INTS2: variants seen among roughly 807,000 people sequenced by gnomAD.
The protein encoded by INTS2 is integrator complex subunit 2.
Under a neutral mutation model 139.6 loss-of-function variants are expected in INTS2, and 57 were observed. The observed-to-expected ratio is 0.41, with a 90% CI of 0.33 to 0.51. The LOEUF (loss-of-function observed/expected upper bound fraction) is 0.51. INTS2 is among the 20% of genes least tolerant of loss of function. The probability of loss-of-function intolerance (pLI) is 0.28; values close to 1 mark genes in which losing one functional copy is unlikely to be tolerated. For synonymous variants in INTS2, 473 were observed against 493.4 expected (o/e 0.96, Z 0.55); for missense variants, 1,196 against 1,436.7 (o/e 0.83, Z 2.71).
chr17:61,906,291 C>T (rs1464671497), intron 8 of INTS2, among the ~76,000 whole-genome samples: 2 of 152,062 alleles, frequency 1.3e-5, no homozygotes, highest in African/African-American at 4.8e-5. Flanking sequence ...TTCCAAAATC[C>T]GAAAAGTTCT....
chr17:61,908,573 T>A (rs1014017836), intron 7 of INTS2, among the ~76,000 whole-genome samples: 1 of 152,194 alleles, frequency 6.6e-6, no homozygotes, highest in South Asian at 2.1e-4. Context: ...AGATAATACA[T>A]GTATGAAAGC....
Position 61,869,903 on chromosome 17 carries a change from A to C in INTS2, c.2864T>G (p.Leu955Ter). ...GGTAATAACACTTTGAACATTTCTT[A>C]ACAAGCTATCTGGATTGACACCATT... ...KANGVNPDSL[L>*]RNVQSVITTS... Residue 955 changes from leucine to a stop codon, truncating the protein, a stop_gained, in exon 21 of 25, where the codon TTA becomes TGA. Coordinates refer to ENST00000251334, the MANE Select transcript of INTS2 (RefSeq NM_001351695.2). LOFTEE classifies it high-confidence loss of function. This position sits in a 1 kb window ranked among gnomAD's most constrained non-coding sequence, Gnocchi z 5.4. The C allele has an allele frequency of 6.2e-7, 1 of 1,613,940 alleles. No individual in the cohort carries two copies. The highest frequency in any genetic ancestry group is 8.5e-7 in the Non-Finnish European group (1 of 1,179,832).
At chr17:61,887,967 G>A (rs1020255575) in intron 15 of INTS2, among the ~76,000 whole-genome samples, 4 of 151,994 alleles carry the variant, frequency 2.6e-5, no homozygotes, top group Admixed American at 6.6e-5. Context: ...CAGAAGAATC[G>A]TTTGAACCTG....
Position 61,869,491 on chromosome 17 carries a change from C to G in INTS2, c.3031-111G>C, listed in dbSNP as rs908100628. 26 of 872,428 alleles carry G rather than the reference C, an allele frequency of 3.0e-5. No homozygotes were observed. Among genetic ancestry groups the G allele is most frequent in the Non-Finnish European group, 4.6e-5 (26 of 564,776 alleles). 54.0% of individuals were successfully genotyped at this position (872,428 alleles called of 1,614,324 possible). A position where few individuals can be genotyped will look rare whatever the true frequency, so the allele number is the denominator to read the frequency against. On this transcript the variant is annotated intron_variant, in intron 21 of 24. Coordinates refer to ENST00000251334, the MANE Select transcript of INTS2 (RefSeq NM_001351695.2). This position sits in a 1 kb window ranked among gnomAD's most constrained non-coding sequence, Gnocchi z 5.4. ...CTTTCTGTAAAAATTGCTCAGAAGG[C>G]TATAGTGCCCCATATGTAACCTGGC...
At position 61,882,297 on chromosome 17, in the gene INTS2, T is replaced by C. The variant is rs1199098482; in HGVS notation, c.2090-1126A>G. On this transcript the variant is annotated intron_variant, in intron 16 of 24. Transcript: ENST00000251334. This position sits in a 1 kb window ranked among gnomAD's most constrained non-coding sequence, Gnocchi z 4.7. ...GAAGCAGTACTGATGATACCCACAA[T>C]GGGGGGCATTTTTTCTTGGTTCAAG... Among the ~76,000 whole-genome samples the C allele has an allele frequency of 2.0e-5, 3 of 152,072 alleles. No individual in the cohort carries two copies. Among genetic ancestry groups the C allele is most frequent in the African/African-American group, 7.2e-5 (3 of 41,396 alleles).
rs925679341 is a variant in INTS2, at chr17:61,870,274, A to G, written c.2779-286T>C. On this transcript the variant is annotated intron_variant, in intron 20 of 24. Transcript: ENST00000251334. This position sits in a 1 kb window ranked among gnomAD's most constrained non-coding sequence, Gnocchi z 4.4. ...TTACATAATGATATCACATATCTCTAAAATAGATCCATGGACTCCAGTTTA... is the reference window on the plus strand; with the variant it reads ...TTACATAATGATATCACATATCTCTGAAATAGATCCATGGACTCCAGTTTA... Among the ~76,000 whole-genome samples the G allele has an allele frequency of 1.3e-5, 2 of 152,342 alleles. No homozygotes were observed. The highest frequency in any genetic ancestry group is 4.8e-5 in the African/African-American group (2 of 41,578).
intron 16 of INTS2, among the ~76,000 whole-genome samples, chr17:61,883,056 C>T (rs8067092): frequency 0.55 from 84,213 of 151,992 alleles, 24,364 homozygotes; most frequent in East Asian, 0.79. Context: ...AACATTTAAA[C>T]TTCTAAATGC....
Position 61,867,178 on chromosome 17 carries a change from TTAAAA to T in INTS2, c.*374_*378del, listed in dbSNP as rs2079052544. On this transcript the variant is annotated 3_prime_UTR_variant, in exon 25 of 25. Coordinates refer to ENST00000251334, the MANE Select transcript of INTS2 (RefSeq NM_001351695.2). The surrounding 1 kb of genome is among the most constrained non-coding windows in gnomAD (Gnocchi z 5.6). ...GTCACATTCTGTTACAAGCTCACAGTTAAAATAAACACTAGGGCTACCCACAGACT... is the reference window on the plus strand; with the variant it reads ...GTCACATTCTGTTACAAGCTCACAGTTAAACACTAGGGCTACCCACAGACT... 6.5e-6 allele frequency: 1 copy of T among 154,116 alleles called. No individual in the cohort carries two copies. The highest frequency in any genetic ancestry group is 6.5e-5 in the Admixed American group (1 of 15,334). 9.5% of individuals were successfully genotyped at this position (154,116 alleles called of 1,614,324 possible).
chr17:61,878,814 C>T (rs1291286539), intron 17 of INTS2, among the ~76,000 whole-genome samples: 2 of 149,582 alleles, frequency 1.3e-5, no homozygotes, highest in Non-Finnish European at 3.0e-5. Flanking sequence ...TGGTGGTGTA[C>T]CTGTAATACC....
chr17:61,893,113 TA>T lies in INTS2; in HGVS notation c.1698+651del, dbSNP rs527823336. On this transcript the variant is annotated intron_variant, in intron 13 of 24. Coordinates refer to ENST00000251334, the MANE Select transcript of INTS2 (RefSeq NM_001351695.2). The surrounding 1 kb of genome is among the most constrained non-coding windows in gnomAD (Gnocchi z 5.4). ...CAGAGTGAGACCCTGTCTTTAAAAT[TA>T]AAAAAAAAAATTAGAAAATGGCAGT... is the stretch of plus-strand genomic sequence containing the variant. Among the ~76,000 whole-genome samples, 2,593 of 147,420 alleles carry T rather than the reference TA, an allele frequency of 0.018. 33 individuals carry two copies. The highest frequency in any genetic ancestry group is 0.073 in the Middle Eastern group (21 of 288).
chr17:61,891,485 A>T, intron 14 of INTS2, 28 bp downstream of exon 14: 1 of 1,524,670 alleles, frequency 6.6e-7, no homozygotes, highest in Non-Finnish European at 9.0e-7. Context: ...AAAATAAGTT[A>T]ATAGATATAA....
At position 61,911,502 on chromosome 17, in the gene INTS2, C is replaced by A. The variant is rs1250008992; in HGVS notation, c.954+18G>T. On this transcript the variant is annotated intron_variant, in intron 7 of 24. Transcript: ENST00000251334. ...AAAGTATTCTGATCCTTAGCCTATA[C>A]AGATATTTAACCCTCACCTGCTGTC... 2 of 1,610,872 alleles carry A rather than the reference C, an allele frequency of 1.2e-6. No individual in the cohort carries two copies. The highest frequency in any genetic ancestry group is 1.7e-6 in the Non-Finnish European group (2 of 1,177,562).
chr17:61,911,663 C>T lies in INTS2; in HGVS notation c.811G>A (p.Val271Met). Reference sequence around the variant, plus strand: ...TTAGTATGATCCAATGTCAAAGCCACACCAAGGCCTGGCAAGTGACATTCT... The same window carrying T: ...TTAGTATGATCCAATGTCAAAGCCATACCAAGGCCTGGCAAGTGACATTCT... ...VEECHLPGLG[V>M]ALTLDHTKNE... The change falls in exon 7 of 25, where the codon GTG becomes ATG. Residue 271 changes from valine (V) to methionine (M), a missense_variant. Physicochemically the swap from Val to Met is conservative, Grantham distance 21. Coordinates refer to ENST00000251334, the MANE Select transcript of INTS2 (RefSeq NM_001351695.2). The T allele has an allele frequency of 6.2e-7, 1 of 1,613,562 alleles. No homozygotes were observed. Among genetic ancestry groups the T allele is most frequent in the South Asian group, 1.1e-5 (1 of 90,986 alleles).
intron 16 of INTS2, 104 bp from the exon 17 acceptor site, chr17:61,881,275 G>T (rs186811426): frequency 1.2e-6 from 1 of 869,050 alleles, no homozygotes; most frequent in Non-Finnish European, 1.7e-6. Context: ...AGGAAAGAGG[G>T]TTATGCTCTA....
At position 61,891,705 on chromosome 17, in the gene INTS2, A is replaced by G. The variant is rs759878061; in HGVS notation, c.1699-16T>C. 26 of 1,571,416 alleles carry G rather than the reference A, an allele frequency of 1.7e-5. No individual in the cohort carries two copies. The highest frequency in any genetic ancestry group is 3.4e-4 in the Middle Eastern group (2 of 5,946). Reference sequence around the variant, plus strand: ...AAATCCAATCCTAAGAAAGAATGTTATAGACACTGAATTAATTGTGGCAAA... The same window carrying G: ...AAATCCAATCCTAAGAAAGAATGTTGTAGACACTGAATTAATTGTGGCAAA... On this transcript the variant is annotated splice_polypyrimidine_tract_variant and intron_variant, in intron 13 of 24. Coordinates refer to ENST00000251334, the MANE Select transcript of INTS2 (RefSeq NM_001351695.2).
intron 8 of INTS2, among the ~76,000 whole-genome samples, chr17:61,905,688 C>CT (rs1229254498): frequency 6.6e-6 from 1 of 151,650 alleles, no homozygotes; most frequent in African/African-American, 2.4e-5. Flanking sequence ...CCTTTGCCTC[C>CT]TTTTTTTTAT....
Position 61,889,829 on chromosome 17 carries a change from T to C in INTS2, c.1941A>G (p.Ile647Met). The part of the protein sequence containing the change: ...ITAQLLVLYY[I>M]LSYEEALLAN... ...CTAGAAGAGCCTCTTCATAAGACAG[T>C]ATATAGTAGAGCACCAAAAGCTGTG... The change falls in exon 15 of 25, where the codon ATA becomes ATG. Residue 647 changes from isoleucine to methionine, a missense_variant. By Grantham distance (10) the Ile-to-Met change is conservative. Transcript: ENST00000251334. 1 of 1,611,488 alleles carries C rather than the reference T, an allele frequency of 6.2e-7. No homozygotes were observed. Among genetic ancestry groups the C allele is most frequent in the Non-Finnish European group, 8.5e-7 (1 of 1,178,022 alleles).
Position 61,867,510 on chromosome 17 carries a change from T to C in INTS2, c.*47A>G. 8.4e-7 allele frequency: 1 copy of C among 1,186,316 alleles called. No homozygotes were observed. Among genetic ancestry groups the C allele is most frequent in the Non-Finnish European group, 1.2e-6 (1 of 821,420 alleles). The allele number at this position is 1,186,316 out of a possible 1,614,324, so 73.5% of individuals were successfully genotyped here. ...GAGTTGTTACTAATATGCAGATTCA[T>C]GTTGGGTATATGCAGCAAACAACTT... On this transcript the variant is annotated 3_prime_UTR_variant, in exon 25 of 25. Coordinates refer to ENST00000251334, the MANE Select transcript of INTS2 (RefSeq NM_001351695.2). The surrounding 1 kb of genome is among the most constrained non-coding windows in gnomAD (Gnocchi z 5.6).
rs369157347 is a variant in INTS2, at chr17:61,927,898, G to A, written c.-263C>T. On this transcript the variant is annotated 5_prime_UTR_variant, in exon 1 of 25. Transcript: ENST00000251334. ...AAGGCAGAACCGGGACTGTAGGAAC[G>A]GAAAAGCGGGAGACTTTTTCAACCT... 7.6e-5 allele frequency: 122 copies of A among 1,613,786 alleles called. No homozygotes were observed. The highest frequency in any genetic ancestry group is 9.1e-5 in the Non-Finnish European group (107 of 1,179,870).
Sources: gnomAD v4.1 joint callset for allele counts (sites outside exome capture counted in the v4.1 genomes callset) on GRCh38, gnomAD v4.1.1 for gene constraint, Gnocchi (gnomAD v3.1) non-coding constraint, MANE v1.5 for transcripts, NCBI Gene and HGNC (gene_info 2026-07-23, HGNC 2026-07-21) for gene names.